Variants in GPHN observed in about 807,000 individuals in gnomAD.
The protein encoded by GPHN is gephyrin.
GPHN carries 17 observed loss-of-function variants against 95.5 expected under a neutral mutation model. The ratio of observed to expected loss-of-function variants is 0.18; its 90% CI spans 0.12 to 0.27. The LOEUF is 0.27. Ranked by LOEUF, GPHN falls within the 10% of genes least tolerant of loss-of-function variation. GPHN has a pLI of 1.00. For missense variants in GPHN, 660 were observed against 978.1 expected (o/e 0.67, Z 4.34); for synonymous variants, 320 against 322.5 (o/e 0.99, Z 0.08).
chr14:66,692,062 A>G (rs558639642), intron 2 of GPHN, among the ~76,000 whole-genome samples: 1 of 152,288 alleles, frequency 6.6e-6, no homozygotes, highest in African/African-American at 2.4e-5. Context: ...TTCTGGGGCG[A>G]AAGTCCTTAG....
chr14:67,642,793 CTTTTTTTTTTTTTTT>C, the GPHN span, among the ~76,000 whole-genome samples: 9 of 75,558 alleles, frequency 1.2e-4, no homozygotes, highest in African/African-American at 3.8e-4. Context: ...ACTACATTTT[CTTTTTTTTTTTTTTT>C]TTTTTTTTTT....
intron 5 of GPHN, among the ~76,000 whole-genome samples, chr14:66,907,482 G>C (rs374834615): frequency 1.6e-4 from 25 of 152,146 alleles, no homozygotes; most frequent in African/African-American, 5.3e-4. Context: ...AACACTATTT[G>C]ATATGAAGTA....
chr14:66,858,154 C>A (rs551060018), intron 4 of GPHN, among the ~76,000 whole-genome samples: 1 of 152,176 alleles, frequency 6.6e-6, no homozygotes, highest in East Asian at 1.9e-4. Context: ...TACAGTGGGA[C>A]GTGGGGGCAC....
chr14:67,624,749 A>G, the GPHN span, among the ~76,000 whole-genome samples: 61 of 152,350 alleles, frequency 4.0e-4, no homozygotes, highest in Admixed American at 4.0e-3. Flanking sequence ...TATCAAGAAC[A>G]TTGGCAAAAA....
chr14:66,820,346 G>A (rs1000250125), intron 3 of GPHN, among the ~76,000 whole-genome samples: 47 of 152,026 alleles, frequency 3.1e-4, no homozygotes, highest in African/African-American at 1.1e-3. Context: ...AAAAAAATAG[G>A]GGAAGCAAGA....
rs1261684866 is a variant in GPHN at position 66,618,219 on chromosome 14, A to G, written c.65-62888A>G. ...TGATAGCCTTCAGTACTGTAATGTC[A>G]TAAGCATTTTAAGTGCTAGGTGTTA... On this transcript the variant is annotated intron_variant, in intron 1 of 22. Coordinates refer to ENST00000478722, the MANE Select transcript of GPHN (RefSeq NM_020806.5). 2.0e-5 allele frequency among the ~76,000 whole-genome samples: 3 copies of G among 152,110 alleles called. No homozygotes were observed. The East Asian group carries it at 5.8e-4, about 29-fold the overall frequency.
intron 1 of GPHN, among the ~76,000 whole-genome samples, chr14:66,544,866 G>A (rs1387797712): frequency 6.6e-6 from 1 of 152,022 alleles, no homozygotes; most frequent in Non-Finnish European, 1.5e-5. Context: ...TTAACCCTGA[G>A]TGGACACAGC....
the GPHN span, among the ~76,000 whole-genome samples, chr14:67,553,877 C>T: frequency 3.9e-5 from 6 of 152,106 alleles, no homozygotes; most frequent in Non-Finnish European, 8.8e-5. Context: ...ACTCAGCTTC[C>T]ATCTAGAGGT....
chr14:66,976,020 T>A (rs2070194337), intron 9 of GPHN, among the ~76,000 whole-genome samples: 1 of 152,210 alleles, frequency 6.6e-6, no homozygotes, highest in African/African-American at 2.4e-5. Context: ...CTAAAAAATA[T>A]TTTTAAGCCC....
chr14:66,789,690 A>T (rs1179672607), intron 3 of GPHN, among the ~76,000 whole-genome samples: 1 of 152,218 alleles, frequency 6.6e-6, no homozygotes, highest in Non-Finnish European at 1.5e-5. Flanking sequence ...TGATGATTTT[A>T]CTGTGCATTT....
intron 3 of GPHN, among the ~76,000 whole-genome samples, chr14:66,797,021 CTTTTTTTT>C (rs369681377): frequency 9.8e-5 from 8 of 81,226 alleles, no homozygotes; most frequent in Non-Finnish European, 2.1e-4. Context: ...TATCTAGTTC[CTTTTTTTT>C]TTTTTTTTTT....
At chr14:67,605,301 T>C in the GPHN span, among the ~76,000 whole-genome samples, 1 of 152,244 alleles carries the variant, frequency 6.6e-6, no homozygotes, top group South Asian at 2.1e-4. Flanking sequence ...AGGTATTTGA[T>C]GTTTTCTGAT....
the GPHN span, among the ~76,000 whole-genome samples, chr14:67,374,249 A>G: frequency 6.6e-6 from 1 of 152,174 alleles, no homozygotes; most frequent in Non-Finnish European, 1.5e-5. Flanking sequence ...ATACATTGCA[A>G]ATATTCCAAA....
At chr14:66,802,025 A>G (rs78314713) in intron 3 of GPHN, among the ~76,000 whole-genome samples, 2,340 of 152,246 alleles carry the variant, frequency 0.015, 32 homozygotes, top group Non-Finnish European at 0.018. Flanking sequence ...TACAAAGCCA[A>G]CAGGGCCTAT....
intron 2 of GPHN, among the ~76,000 whole-genome samples, chr14:66,688,134 A>T (rs1229891265): frequency 6.6e-6 from 1 of 152,216 alleles, no homozygotes. Context: ...ACTAGAGAAA[A>T]GAAAGTATTA....
chr14:66,818,541 T>C (rs2061070378), intron 3 of GPHN, among the ~76,000 whole-genome samples: 2 of 152,228 alleles, frequency 1.3e-5, no homozygotes, highest in African/African-American at 2.4e-5. Flanking sequence ...TTTGCTATTG[T>C]GAATAGTGCT....
chr14:66,823,302 GT>G (rs2061271125), intron 3 of GPHN: 1 of 152,240 alleles, frequency 6.6e-6, no homozygotes, highest in Non-Finnish European at 1.5e-5. Context: ...CACCCAGCTG[GT>G]TTTTTTATAT....
At chr14:67,118,584 C>T (rs372722702) in intron 16 of GPHN, among the ~76,000 whole-genome samples, 1 of 151,992 alleles carries the variant, frequency 6.6e-6, no homozygotes, top group Admixed American at 6.6e-5. Context: ...AAAAATTAGC[C>T]GGGTGTGGTG....
chr14:67,173,657 C>G (rs1401398949), intron 21 of GPHN, among the ~76,000 whole-genome samples: 1 of 152,062 alleles, frequency 6.6e-6, no homozygotes, highest in Non-Finnish European at 1.5e-5. Context: ...AAAAAGCAAG[C>G]AAATATAACA....
Sources: gnomAD v4.1 joint callset for allele counts (sites outside exome capture counted in the v4.1 genomes callset) on GRCh38, gnomAD v4.1.1 for gene constraint, MANE v1.5 for transcripts, NCBI Gene and HGNC (gene_info 2026-07-23, HGNC 2026-07-21) for gene names.